The following PTDSS1 variants were observed in gnomAD, a reference collection of about 807,000 sequenced individuals.
PTDSS1 encodes PSS-1.
PTDSS1 carries 45 observed loss-of-function variants against 70.5 expected under a neutral mutation model. The observed-to-expected ratio is 0.64, with a 90% confidence interval of 0.50 to 0.82. PTDSS1 has a LOEUF of 0.82. Among genes scored for constraint, PTDSS1 ranks in the 40% least tolerant of loss-of-function variants. PTDSS1 has a pLI of 0.00. For synonymous variants in PTDSS1, 188 were observed against 203.8 expected (o/e 0.92, Z 0.66); for missense variants, 417 against 586.1 (o/e 0.71, Z 2.98).
intron 5 of PTDSS1, among the ~76,000 whole-genome samples, chr8:96,297,360 TAG>T (rs1250904394): frequency 6.6e-6 from 1 of 152,158 alleles, no homozygotes; most frequent in African/African-American, 2.4e-5. Context: ...TTATTTTTAG[TAG>T]AGATGGGGTT....
chr8:96,271,757 C>G (rs1221912126), intron 1 of PTDSS1, among the ~76,000 whole-genome samples: 1 of 152,206 alleles, frequency 6.6e-6, no homozygotes, highest in African/African-American at 2.4e-5. Context: ...ATTTTAAAAA[C>G]AGTTTCTATT....
chr8:96,262,257 G>T lies in PTDSS1; in HGVS notation c.179+38G>T. 6.7e-7 allele frequency: 1 copy of T among 1,502,874 alleles called. No homozygotes were observed. The highest frequency in any genetic ancestry group is 2.5e-5 in the East Asian group (1 of 39,230). The allele number at this position is 1,502,874 out of a possible 1,614,324, so 93.1% of individuals were successfully genotyped here. A position where few individuals can be genotyped will look rare whatever the true frequency, so the allele number is the denominator to read the frequency against. ...AGCCGAGCGGGGGGCGCGTCCAAGG[G>T]CTAGGGAAGAGGCGGGAGGGAGGGT... On this transcript the variant is annotated intron_variant, in intron 1 of 12. Coordinates refer to ENST00000517309, the MANE Select transcript of PTDSS1 (RefSeq NM_014754.3). This position sits in a 1 kb window ranked among gnomAD's most constrained non-coding sequence, Gnocchi z 4.4.
chr8:96,263,947 T>A (rs1357855148), intron 1 of PTDSS1, among the ~76,000 whole-genome samples: 1 of 152,252 alleles, frequency 6.6e-6, no homozygotes, highest in African/African-American at 2.4e-5. Flanking sequence ...TGTAAGTGTT[T>A]ATCCATTTGA....
chr8:96,278,392 G>A (rs559671316), intron 2 of PTDSS1, among the ~76,000 whole-genome samples: 1 of 152,288 alleles, frequency 6.6e-6, no homozygotes, highest in Admixed American at 6.5e-5. Context: ...ACAAAATTTT[G>A]TGTGACAATC....
At chr8:96,274,033 T>C (rs1353522237) in intron 2 of PTDSS1, among the ~76,000 whole-genome samples, 3 of 152,210 alleles carry the variant, frequency 2.0e-5, no homozygotes, top group African/African-American at 7.2e-5. Flanking sequence ...AATTCTTCCT[T>C]AAAAGTTGTT....
intron 3 of PTDSS1, among the ~76,000 whole-genome samples, chr8:96,286,409 C>T (rs1047288204): frequency 5.9e-5 from 9 of 152,174 alleles, no homozygotes; most frequent in South Asian, 2.1e-4. Context: ...AATGCCTACA[C>T]GGGGTAATGT....
chr8:96,323,965 A>C (rs1468557551), intron 10 of PTDSS1, among the ~76,000 whole-genome samples: 1 of 152,226 alleles, frequency 6.6e-6, no homozygotes. Flanking sequence ...GTAGCCACAC[A>C]GTAGCCCGAA....
intron 6 of PTDSS1, among the ~76,000 whole-genome samples, chr8:96,301,255 G>A (rs1484373869): frequency 3.3e-5 from 5 of 151,916 alleles, no homozygotes; most frequent in Admixed American, 1.3e-4. Flanking sequence ...GTGCCACCAC[G>A]CCTGGCTAGT....
At position 96,295,200 on chromosome 8, in the gene PTDSS1, C is replaced by G. The variant is rs753241269; in HGVS notation, c.544C>G (p.Leu182Val). 9 of 1,614,072 alleles carry G rather than the reference C, an allele frequency of 5.6e-6. No individual in the cohort carries two copies. The highest frequency in any genetic ancestry group is 3.3e-5 in the Admixed American group (2 of 59,992). ...HFWGWAMKAL[L>V]IRSYGLCWTI... ...CTGGGGCTGGGCCATGAAGGCCTTGCTGATCCGTAGTTACGGTCTCTGCTG... is the reference window on the plus strand; with the variant it reads ...CTGGGGCTGGGCCATGAAGGCCTTGGTGATCCGTAGTTACGGTCTCTGCTG... The change falls in exon 5 of 13, where the codon CTG (leucine) becomes GTG (valine). Residue 182 changes from leucine (L) to valine (V), a missense_variant. By Grantham distance (32) the Leu-to-Val change is conservative. Coordinates refer to ENST00000517309, the MANE Select transcript of PTDSS1 (RefSeq NM_014754.3).
chr8:96,330,395 G>A, intron 11 of PTDSS1, 114 bp downstream of exon 11: 3 of 1,018,790 alleles, frequency 2.9e-6, no homozygotes, highest in Non-Finnish European at 1.5e-6. Flanking sequence ...TGAGGTTGGG[G>A]CCTCCAGTCC....
intron 10 of PTDSS1, among the ~76,000 whole-genome samples, chr8:96,325,483 GC>G (rs1401191262): frequency 3.3e-5 from 5 of 152,068 alleles, no homozygotes; most frequent in Non-Finnish European, 7.4e-5. Context: ...CTTTCCCCCA[GC>G]CCCCCAGGCC....
At chr8:96,281,965 T>A (rs1327656081) in intron 2 of PTDSS1, among the ~76,000 whole-genome samples, 1 of 152,194 alleles carries the variant, frequency 6.6e-6, no homozygotes. Flanking sequence ...TAGTAAGTGC[T>A]CAGGAAGGTA....
chr8:96,305,802 C>A (rs895314081), intron 7 of PTDSS1, among the ~76,000 whole-genome samples: 23 of 152,184 alleles, frequency 1.5e-4, no homozygotes, highest in African/African-American at 5.3e-4. Context: ...ATTCTCCTGT[C>A]TCAGCCTCCT....
intron 9 of PTDSS1, among the ~76,000 whole-genome samples, chr8:96,317,822 C>T (rs1811316411): frequency 6.6e-6 from 1 of 151,596 alleles, no homozygotes; most frequent in Non-Finnish European, 1.5e-5. Context: ...TAAAATGAAA[C>T]AGAATAGAAA....
intron 10 of PTDSS1, among the ~76,000 whole-genome samples, chr8:96,324,719 G>C (rs536460420): frequency 6.6e-6 from 1 of 152,316 alleles, no homozygotes; most frequent in Admixed American, 6.5e-5. Flanking sequence ...TCCTAATACT[G>C]TTAAGTTGGC....
At chr8:96,271,645 T>C (rs1810567840) in intron 1 of PTDSS1, among the ~76,000 whole-genome samples, 1 of 152,222 alleles carries the variant, frequency 6.6e-6, no homozygotes, top group African/African-American at 2.4e-5. Context: ...AAAGGTGATT[T>C]ATTTATACTG....
At chr8:96,325,023 G>T (rs1039637159) in intron 10 of PTDSS1, among the ~76,000 whole-genome samples, 8 of 152,156 alleles carry the variant, frequency 5.3e-5, no homozygotes, top group East Asian at 1.9e-4. Context: ...TGTGCCTGGG[G>T]CTCTAGCCAC....
chr8:96,285,392 G>A (rs897329929), intron 3 of PTDSS1, among the ~76,000 whole-genome samples: 1 of 151,936 alleles, frequency 6.6e-6, no homozygotes, highest in Non-Finnish European at 1.5e-5. Context: ...TAATCATGGG[G>A]ACTGTGGGCC....
intron 9 of PTDSS1, among the ~76,000 whole-genome samples, chr8:96,314,700 C>T (rs954168397): frequency 4.6e-5 from 7 of 152,106 alleles, no homozygotes; most frequent in Admixed American, 2.0e-4. Context: ...GGGTTCATGC[C>T]GTTCTCCTGC....
Sources: gnomAD v4.1 joint callset for allele counts (sites outside exome capture counted in the v4.1 genomes callset) on GRCh38, gnomAD v4.1.1 for gene constraint, Gnocchi (gnomAD v3.1) non-coding constraint, MANE v1.5 for transcripts, NCBI Gene and HGNC (gene_info 2026-07-23, HGNC 2026-07-21) for gene names.